Variants in GRID1 observed in about 807,000 individuals in gnomAD.
The protein encoded by GRID1 is glutamate ionotropic receptor delta type subunit 1.
Under a neutral mutation model 98.0 loss-of-function variants are expected in GRID1, and 28 were observed. That is an observed-to-expected ratio of 0.29 (90% CI 0.21 to 0.39). The LOEUF (loss-of-function observed/expected upper bound fraction) is 0.39, where lower values mean the gene tolerates loss of function less well. Ranked by LOEUF, GRID1 falls within the 10% of genes least tolerant of loss-of-function variation. The pLI, the probability that GRID1 is intolerant of heterozygous loss-of-function variation, is 1.00. For synonymous variants in GRID1, 553 were observed against 538.5 expected (o/e 1.03, Z -0.37); for missense variants, 1,111 against 1,340.5 (o/e 0.83, Z 2.67).
chr10:85,687,051 T>C (rs1841277638), intron 12 of GRID1, among the ~76,000 whole-genome samples: 1 of 152,194 alleles, frequency 6.6e-6, no homozygotes, highest in Non-Finnish European at 1.5e-5. Flanking sequence ...TAATCTTATC[T>C]TCCACAGTGG....
At chr10:85,687,673 A>G (rs1174217986) in intron 12 of GRID1, among the ~76,000 whole-genome samples, 3 of 152,198 alleles carry the variant, frequency 2.0e-5, no homozygotes, top group South Asian at 2.1e-4. Context: ...ATTATATTAC[A>G]AAATATTTAA....
chr10:85,970,789 T>C (rs1015733717), intron 4 of GRID1, among the ~76,000 whole-genome samples: 2 of 152,048 alleles, frequency 1.3e-5, no homozygotes, highest in Non-Finnish European at 2.9e-5. Context: ...TATCCACTTT[T>C]GCAACTTCTA....
chr10:85,847,612 T>C (rs551221525), intron 8 of GRID1, among the ~76,000 whole-genome samples: 32 of 152,170 alleles, frequency 2.1e-4, no homozygotes, highest in Non-Finnish European at 4.0e-4. Context: ...GAAGGTCTGC[T>C]GTATAAATGG....
intron 2 of GRID1, among the ~76,000 whole-genome samples, chr10:86,210,943 G>A (rs2132022838): frequency 6.6e-6 from 1 of 152,374 alleles, no homozygotes; most frequent in South Asian, 2.1e-4. Context: ...CCCCAGGACT[G>A]GGACTGGCCA....
At chr10:85,652,368 T>C (rs733758) in intron 12 of GRID1, among the ~76,000 whole-genome samples, 9,808 of 152,296 alleles carry the variant, frequency 0.064, 393 homozygotes, top group African/African-American at 0.12. Flanking sequence ...TAAACACTTG[T>C]AACAAGAGCA....
intron 2 of GRID1, among the ~76,000 whole-genome samples, chr10:86,262,630 C>T (rs956235291): frequency 1.3e-5 from 2 of 152,204 alleles, no homozygotes; most frequent in African/African-American, 4.8e-5. Flanking sequence ...GGAAGGGCCC[C>T]TTCCCCACTT....
At chr10:86,058,162 C>T (rs1287294486) in intron 4 of GRID1, among the ~76,000 whole-genome samples, 3 of 152,004 alleles carry the variant, frequency 2.0e-5, no homozygotes, top group African/African-American at 7.2e-5. Flanking sequence ...AAATGAGACC[C>T]CTGGGCCCCC....
chr10:86,121,119 T>C (rs1844657712), intron 4 of GRID1, among the ~76,000 whole-genome samples: 1 of 152,136 alleles, frequency 6.6e-6, no homozygotes, highest in Non-Finnish European at 1.5e-5. Flanking sequence ...ACTCAGGAGT[T>C]ATGACAAGGT....
At chr10:86,003,009 A>T (rs1842819204) in intron 4 of GRID1, among the ~76,000 whole-genome samples, 1 of 152,250 alleles carries the variant, frequency 6.6e-6, no homozygotes, top group South Asian at 2.1e-4. Context: ...TCCTCCAGCT[A>T]GTTTGATTCA....
intron 2 of GRID1, among the ~76,000 whole-genome samples, chr10:86,272,448 A>G (rs4934174): frequency 0.51 from 78,040 of 151,994 alleles, 23,861 homozygotes; most frequent in Non-Finnish European, 0.67. Flanking sequence ...AAGTGGTACC[A>G]TCTTGAAGTG....
chr10:86,002,325 A>C (rs58044474), intron 4 of GRID1, among the ~76,000 whole-genome samples: 3,086 of 152,334 alleles, frequency 0.02, 59 homozygotes, highest in African/African-American at 0.047. Context: ...TCTAAAGCTC[A>C]CTGGCATTCA....
At chr10:85,909,308 A>G (rs180880312) in intron 5 of GRID1, among the ~76,000 whole-genome samples, 2 of 152,348 alleles carry the variant, frequency 1.3e-5, no homozygotes, top group African/African-American at 4.8e-5. Context: ...CGAAGAGGAT[A>G]TGAAGCAACT....
At chr10:85,996,377 C>T (rs1842738673) in intron 4 of GRID1, among the ~76,000 whole-genome samples, 1 of 152,048 alleles carries the variant, frequency 6.6e-6, no homozygotes, top group African/African-American at 2.4e-5. Flanking sequence ...CAAAGAAATA[C>T]AAGAAACTTT....
chr10:86,218,177 T>C (rs947825801), intron 2 of GRID1, among the ~76,000 whole-genome samples: 3 of 152,084 alleles, frequency 2.0e-5, no homozygotes, highest in Non-Finnish European at 2.9e-5. Flanking sequence ...CTTGTGCGCG[T>C]GTGTGTGTGA....
chr10:85,731,494 T>C (rs944078902), intron 8 of GRID1, among the ~76,000 whole-genome samples: 1 of 150,742 alleles, frequency 6.6e-6, no homozygotes, highest in Non-Finnish European at 1.5e-5. Context: ...ATCATGGCTA[T>C]TTCTCCATTG....
At chr10:85,911,363 G>T (rs1841535077) in intron 5 of GRID1, among the ~76,000 whole-genome samples, 2 of 152,152 alleles carry the variant, frequency 1.3e-5, no homozygotes, top group South Asian at 4.1e-4. Context: ...AGGATCTTGA[G>T]TCAAGCTGGA....
intron 2 of GRID1, among the ~76,000 whole-genome samples, chr10:86,246,864 A>G (rs1846737604): frequency 1.3e-5 from 2 of 152,200 alleles, no homozygotes; most frequent in African/African-American, 4.8e-5. Context: ...TTCAGTAACA[A>G]TCACTGTGAT....
chr10:85,844,420 TAC>T (rs55706189), intron 8 of GRID1, among the ~76,000 whole-genome samples: 47,860 of 133,108 alleles, frequency 0.36, 8,931 homozygotes, highest in Non-Finnish European at 0.46. Flanking sequence ...TACAACTAAA[TAC>T]ACACACACAC....
intron 12 of GRID1, among the ~76,000 whole-genome samples, chr10:85,679,569 G>T (rs528558557): frequency 6.6e-6 from 1 of 152,304 alleles, no homozygotes; most frequent in South Asian, 2.1e-4. Flanking sequence ...CAATGCCCTG[G>T]AGAAGCAGAG....
Sources: gnomAD v4.1 joint callset for allele counts (sites outside exome capture counted in the v4.1 genomes callset) on GRCh38, gnomAD v4.1.1 for gene constraint, MANE v1.5 for transcripts, NCBI Gene and HGNC (gene_info 2026-07-23, HGNC 2026-07-21) for gene names.